Variants in SLC9A9 observed in about 807,000 individuals in gnomAD.
SLC9A9 encodes the protein sodium/hydrogen exchanger 9.
SLC9A9 carries 62 observed loss-of-function variants against 77.8 expected under a neutral mutation model. The observed-to-expected ratio is 0.80, with a 90% confidence interval of 0.65 to 0.98. SLC9A9 has a LOEUF of 0.98. Among genes scored for constraint, SLC9A9 ranks in the 50% least tolerant of loss-of-function variants. SLC9A9 has a pLI of 0.00. For synonymous variants in SLC9A9, 320 were observed against 283.5 expected, an observed-to-expected ratio of 1.13 and a Z score of -1.29; for missense variants, 775 against 774.9, an observed-to-expected ratio of 1.00 and a Z score of 0.00.
At chr3:143,773,488 CTTTTTTT>C (rs869188697) in intron 4 of SLC9A9, among the ~76,000 whole-genome samples, 19 of 141,504 alleles carry the variant, frequency 1.3e-4, no homozygotes, top group Non-Finnish European at 2.3e-4. Flanking sequence ...TTTACTTTTT[CTTTTTTT>C]TTTTTTGAAA....
intron 1 of SLC9A9, among the ~76,000 whole-genome samples, chr3:143,837,192 C>G (rs1375365897): frequency 1.3e-5 from 2 of 152,114 alleles, no homozygotes; most frequent in African/African-American, 2.4e-5. Context: ...GTCCAGACAC[C>G]ATCACACAGA....
intron 12 of SLC9A9, among the ~76,000 whole-genome samples, chr3:143,443,141 AGG>A (rs2034777807): frequency 7.0e-6 from 1 of 142,494 alleles, no homozygotes; most frequent in Admixed American, 6.9e-5. Context: ...CCACCCCTGT[AGG>A]GGAACAGATT....
intron 14 of SLC9A9, among the ~76,000 whole-genome samples, chr3:143,349,014 C>G (rs940109483): frequency 6.6e-6 from 1 of 152,186 alleles, no homozygotes; most frequent in Non-Finnish European, 1.5e-5. Flanking sequence ...TCCCAAGAAT[C>G]CCCTGATCTT....
intron 11 of SLC9A9, among the ~76,000 whole-genome samples, chr3:143,491,104 A>C (rs2035736887): frequency 6.6e-6 from 1 of 152,190 alleles, no homozygotes; most frequent in African/African-American, 2.4e-5. Flanking sequence ...AGCTGTAACT[A>C]ACGGTGCCAA....
intron 4 of SLC9A9, among the ~76,000 whole-genome samples, chr3:143,727,222 G>T (rs1056295088): frequency 1.3e-5 from 2 of 152,134 alleles, no homozygotes; most frequent in Admixed American, 1.3e-4. Context: ...AGTACTCTGA[G>T]ATGAGACAAC....
rs370654758 is a variant in SLC9A9, at chr3:143,695,523, T to C, written c.534-2216A>G. Among the ~76,000 whole-genome samples, 3 of 152,298 alleles carry C rather than the reference T, an allele frequency of 2.0e-5. No homozygotes were observed. In the East Asian group the frequency reaches 5.8e-4, roughly 29 times the overall value. On this transcript the variant is annotated intron_variant, in intron 4 of 15. Transcript: ENST00000316549. ...CTGCAAGGGACATGAATTCATCCTTTTCATGGCTGCATAGTATTCCATGGT... is the reference window on the plus strand; with the variant it reads ...CTGCAAGGGACATGAATTCATCCTTCTCATGGCTGCATAGTATTCCATGGT...
intron 14 of SLC9A9, among the ~76,000 whole-genome samples, chr3:143,296,920 T>C (rs1221715492): frequency 6.6e-6 from 1 of 152,234 alleles, no homozygotes; most frequent in African/African-American, 2.4e-5. Flanking sequence ...ATATTTTGTA[T>C]ATTTGCCCTT....
intron 4 of SLC9A9, chr3:143,698,111 T>C (rs1359051929): frequency 6.5e-6 from 1 of 152,998 alleles, no homozygotes; most frequent in African/African-American, 2.4e-5. Context: ...CATCACTTCA[T>C]AGAAGGCACG....
chr3:143,325,926 T>C (rs899864653), intron 14 of SLC9A9, among the ~76,000 whole-genome samples: 1 of 152,206 alleles, frequency 6.6e-6, no homozygotes, highest in African/African-American at 2.4e-5. Flanking sequence ...CATCATAATA[T>C]GTCCTGGTTC....
chr3:143,507,625 G>C (rs78103930), intron 9 of SLC9A9, among the ~76,000 whole-genome samples: 7,726 of 152,296 alleles, frequency 0.051, 249 homozygotes, highest in Middle Eastern at 0.1. Flanking sequence ...TTCACTCTAG[G>C]TGTTAAACAT....
chr3:143,627,682 C>T, intron 6 of SLC9A9: 1 of 166,878 alleles, frequency 6.0e-6, no homozygotes, highest in Non-Finnish European at 1.3e-5. Flanking sequence ...AACCCAACAC[C>T]AGTTGAGAAC....
chr3:143,722,539 G>T (rs1934532778), intron 4 of SLC9A9, among the ~76,000 whole-genome samples: 1 of 145,612 alleles, frequency 6.9e-6, no homozygotes, highest in Non-Finnish European at 1.5e-5. Flanking sequence ...CTAAGGAGAA[G>T]TCACTGTACC....
chr3:143,834,503 T>C (rs554691557), intron 1 of SLC9A9, among the ~76,000 whole-genome samples: 1 of 151,954 alleles, frequency 6.6e-6, no homozygotes, highest in South Asian at 2.1e-4. Context: ...CAAGATACTA[T>C]CTGCATGGGG....
chr3:143,369,731 G>A (rs2033001567), intron 13 of SLC9A9, among the ~76,000 whole-genome samples: 1 of 152,114 alleles, frequency 6.6e-6, no homozygotes, highest in Non-Finnish European at 1.5e-5. Context: ...ATACTTAATG[G>A]CTCATTTTTC....
intron 4 of SLC9A9, among the ~76,000 whole-genome samples, chr3:143,710,165 T>C (rs146234611): frequency 9.1e-4 from 138 of 152,328 alleles, no homozygotes; most frequent in African/African-American, 3.2e-3. Flanking sequence ...TGCATGTGTA[T>C]AAACACAAAC....
intron 12 of SLC9A9, among the ~76,000 whole-genome samples, chr3:143,429,310 C>G (rs1271771891): frequency 6.6e-6 from 1 of 152,222 alleles, no homozygotes; most frequent in Non-Finnish European, 1.5e-5. Context: ...GGAACTGAAT[C>G]AAATGGTAAC....
intron 4 of SLC9A9, among the ~76,000 whole-genome samples, chr3:143,763,253 C>T (rs1317885051): frequency 6.6e-6 from 1 of 152,138 alleles, no homozygotes; most frequent in Non-Finnish European, 1.5e-5. Flanking sequence ...AGTCAACCCA[C>T]AATGGCATTC....
chr3:143,369,719 T>G (rs566983356), intron 13 of SLC9A9, among the ~76,000 whole-genome samples: 1 of 152,266 alleles, frequency 6.6e-6, no homozygotes, highest in Non-Finnish European at 1.5e-5. Flanking sequence ...TGGGTGTGGG[T>G]CATACTTAAT....
At chr3:143,293,751 A>C (rs2030122737) in intron 14 of SLC9A9, among the ~76,000 whole-genome samples, 1 of 152,182 alleles carries the variant, frequency 6.6e-6, no homozygotes, top group African/African-American at 2.4e-5. Flanking sequence ...AGCATTGGGT[A>C]GTCTCAGAGT....
Sources: gnomAD v4.1 joint callset for allele counts (sites outside exome capture counted in the v4.1 genomes callset) on GRCh38, gnomAD v4.1.1 for gene constraint, MANE v1.5 for transcripts, NCBI Gene and HGNC (gene_info 2026-07-23, HGNC 2026-07-21) for gene names.